HCK: variants seen among roughly 807,000 people sequenced by gnomAD.
HCK encodes tyrosine-protein kinase HCK.
A neutral mutation model predicts 70.4 loss-of-function variants in HCK; 40 were observed. The ratio of observed to expected loss-of-function variants is 0.57; its 90% CI spans 0.44 to 0.74. The LOEUF is 0.74. Among genes scored for constraint, HCK ranks in the 30% least tolerant of loss-of-function variants. The pLI is 0.00. For missense variants in HCK, 568 were observed against 697.2 expected, an observed-to-expected ratio of 0.81 and a Z score of 2.09; for synonymous variants, 245 against 263.2, an observed-to-expected ratio of 0.93 and a Z score of 0.67.
At chr20:32,084,638 C>A in intron 8 of HCK, 95 bp downstream of exon 8, 3 of 1,145,544 alleles carry the variant, frequency 2.6e-6, no homozygotes, top group Non-Finnish European at 3.7e-6. Context: ...AGCGGGAATG[C>A]TACCCAAGGC....
At position 32,073,307 on chromosome 20, in the gene HCK, T is replaced by C; in HGVS notation, c.184-12T>C. ...GTCAGATTCATTCTCTTCTCTCATT[T>C]CTTCCCCACAGGGGCCTAATAGCCA... On this transcript the variant is annotated splice_polypyrimidine_tract_variant and intron_variant, in intron 2 of 12. Transcript: ENST00000375852. The C allele has an allele frequency of 1.2e-6, 2 of 1,610,584 alleles. No individual in the cohort carries two copies. Among genetic ancestry groups the C allele is most frequent in the Non-Finnish European group, 1.7e-6 (2 of 1,178,080 alleles).
intron 9 of HCK, among the ~76,000 whole-genome samples, chr20:32,087,529 G>C (rs1209277846): frequency 6.6e-6 from 1 of 151,476 alleles, no homozygotes; most frequent in Non-Finnish European, 1.5e-5. Context: ...GTGCAGTGGC[G>C]TGATCATAGT....
At chr20:32,061,020 G>A (rs925743526) in intron 1 of HCK, among the ~76,000 whole-genome samples, 6 of 151,964 alleles carry the variant, frequency 3.9e-5, no homozygotes, top group African/African-American at 1.5e-4. Context: ...GTCTTGCTCT[G>A]TTGCCCAGGC....
Position 32,071,683 on chromosome 20 carries a change from G to A in HCK, c.84G>A (p.Lys28=). 1.2e-6 allele frequency: 2 copies of A among 1,614,128 alleles called. No homozygotes were observed. Among genetic ancestry groups the A allele is most frequent in the Non-Finnish European group, 1.7e-6 (2 of 1,179,996 alleles). Residue 28 remains lysine, a synonymous_variant, in exon 2 of 13, where the codon AAG becomes AAA. Coordinates refer to ENST00000375852, the MANE Select transcript of HCK (RefSeq NM_002110.5). ...GCAGGATGGGGTGCATGAAGTCCAAGTTCCTCCAGGTCGGAGGCAATACAT... is the reference window on the plus strand; with the variant it reads ...GCAGGATGGGGTGCATGAAGTCCAAATTCCTCCAGGTCGGAGGCAATACAT...
intron 12 of HCK, 24 bp downstream of exon 12, chr20:32,099,159 G>C: frequency 6.2e-7 from 1 of 1,610,614 alleles, no homozygotes; most frequent in Non-Finnish European, 8.5e-7. Flanking sequence ...ATCAGCTCAG[G>C]GCTGCTACCA....
intron 8 of HCK, 80 bp from the exon 9 acceptor site, chr20:32,086,548 G>T: frequency 2.6e-6 from 3 of 1,172,308 alleles, no homozygotes; most frequent in Non-Finnish European, 3.6e-6. Context: ...GGAGGAGGCG[G>T]GTCTGCAGCT....
At chr20:32,073,969 G>T in intron 4 of HCK, 151 bp downstream of exon 4, 1 of 594,480 alleles carries the variant, frequency 1.7e-6, no homozygotes, top group Non-Finnish European at 3.1e-6. Context: ...GTGGAGGAAG[G>T]GTTTGCTGTC....
rs2045543633 is a variant in HCK, at chr20:32,071,800, C to A, written c.183+18C>A. The A allele has an allele frequency of 6.2e-7, 1 of 1,611,280 alleles. No homozygotes were observed. The highest frequency in any genetic ancestry group is 8.5e-7 in the Non-Finnish European group (1 of 1,178,590). On this transcript the variant is annotated intron_variant, in intron 2 of 12. Transcript: ENST00000375852. ...TCAAGCCGGTGAGTAGGGGAGGTCCCAGTTTCCCTGGGGGCTGACGGATGC... is the reference window on the plus strand; with the variant it reads ...TCAAGCCGGTGAGTAGGGGAGGTCCAAGTTTCCCTGGGGGCTGACGGATGC...
In HCK at chr20:32,069,607, G is replaced by A. The variant is rs916082399; in HGVS notation, c.63-2055G>A. The A allele has an allele frequency of 1.9e-5, 8 of 431,896 alleles. No individual in the cohort carries two copies. In the Admixed American group the frequency reaches 2.0e-4, roughly 11 times the overall value. The allele number at this position is 431,896 out of a possible 1,614,324, so 26.8% of individuals were successfully genotyped here. On this transcript the variant is annotated intron_variant, in intron 1 of 12. Coordinates refer to ENST00000375852, the MANE Select transcript of HCK (RefSeq NM_002110.5). Reference sequence around the variant, plus strand: ...ATGCATGCAAGTACATTATAAATCTGTGCTTAATTATGATAATTTTTCAAA... The same window carrying A: ...ATGCATGCAAGTACATTATAAATCTATGCTTAATTATGATAATTTTTCAAA...
intron 1 of HCK, among the ~76,000 whole-genome samples, chr20:32,054,640 A>G (rs1017619334): frequency 6.6e-6 from 1 of 151,098 alleles, no homozygotes; most frequent in Non-Finnish European, 1.5e-5. Context: ...CCCCGTCTCT[A>G]CTAAAAATAC....
At chr20:32,093,732 C>A in intron 10 of HCK, 131 bp from the exon 11 acceptor site, 1 of 830,128 alleles carries the variant, frequency 1.2e-6, no homozygotes, top group Non-Finnish European at 1.8e-6. Flanking sequence ...GGGGCCCTCC[C>A]GACACAAAAG....
chr20:32,056,470 C>T (rs900098781), intron 1 of HCK, among the ~76,000 whole-genome samples: 6 of 151,260 alleles, frequency 4.0e-5, no homozygotes, highest in Non-Finnish European at 7.4e-5. Flanking sequence ...GAGCCGAGAT[C>T]GAGCCACTGC....
intron 10 of HCK, among the ~76,000 whole-genome samples, chr20:32,090,745 G>A (rs2045853730): frequency 6.6e-6 from 1 of 152,120 alleles, no homozygotes; most frequent in South Asian, 2.1e-4. Flanking sequence ...GCTTACACCT[G>A]GGCCCAATAA....
intron 9 of HCK, among the ~76,000 whole-genome samples, chr20:32,088,324 C>A (rs906656754): frequency 6.6e-6 from 1 of 152,154 alleles, no homozygotes; most frequent in Non-Finnish European, 1.5e-5. Context: ...AGGCATGATC[C>A]CAGCCATCCA....
chr20:32,056,509 CCTT>C (rs2045274672), intron 1 of HCK, among the ~76,000 whole-genome samples: 1 of 142,252 alleles, frequency 7.0e-6, no homozygotes, highest in Non-Finnish European at 1.5e-5. Flanking sequence ...GAGCGAGACT[CCTT>C]CTCAGAAAAA....
At chr20:32,082,755 A>G (rs2045725758) in intron 6 of HCK, among the ~76,000 whole-genome samples, 1 of 152,168 alleles carries the variant, frequency 6.6e-6, no homozygotes, top group Non-Finnish European at 1.5e-5. Flanking sequence ...CACACAGCTC[A>G]CAAATAGCAA....
chr20:32,068,239 G>A (rs1355083185), intron 1 of HCK, among the ~76,000 whole-genome samples: 1 of 151,492 alleles, frequency 6.6e-6, no homozygotes, highest in African/African-American at 2.4e-5. Flanking sequence ...CAGAGGTTGC[G>A]GTGAGTGGAG....
intron 1 of HCK, among the ~76,000 whole-genome samples, chr20:32,055,601 C>T (rs930776936): frequency 6.6e-6 from 1 of 152,076 alleles, no homozygotes; most frequent in African/African-American, 2.4e-5. Flanking sequence ...TTATAATTTG[C>T]TTAACCTTTC....
chr20:32,084,633 G>T, intron 8 of HCK, 90 bp downstream of exon 8: 1 of 1,223,220 alleles, frequency 8.2e-7, no homozygotes, highest in South Asian at 1.4e-5. Flanking sequence ...GGCAAAGCGG[G>T]AATGCTACCC....
Sources: allele counts gnomAD v4.1 joint callset (sites outside exome capture counted in the v4.1 genomes callset), GRCh38; gene constraint gnomAD v4.1.1; transcripts MANE v1.5; gene names NCBI Gene and HGNC (gene_info 2026-07-23, HGNC 2026-07-21).